Variants in FGF14 observed in about 807,000 individuals in gnomAD.
The protein encoded by FGF14 is fibroblast growth factor 14.
In FGF14, 5 loss-of-function variants were observed where a neutral mutation model predicts 25.5. That is an observed-to-expected ratio of 0.20 (90% CI 0.10 to 0.41). FGF14 has a LOEUF of 0.41. Among genes scored for constraint, FGF14 ranks in the 10% least tolerant of loss-of-function variants. The probability of loss-of-function intolerance (pLI) is 1.00; values close to 1 mark genes in which losing one functional copy is unlikely to be tolerated. For synonymous variants in FGF14, 138 were observed against 118.3 expected (o/e 1.17, Z -1.08); for missense variants, 222 against 320.1 (o/e 0.69, Z 2.34).
chr13:101,966,834 GAAATACA>G (rs2037236034), intron 1 of FGF14, among the ~76,000 whole-genome samples: 1 of 152,126 alleles, frequency 6.6e-6, no homozygotes. Flanking sequence ...GGACGACCTA[GAAATACA>G]GAAGACAGAA....
At chr13:102,109,528 T>A (rs2045109806) in intron 1 of FGF14, among the ~76,000 whole-genome samples, 1 of 152,208 alleles carries the variant, frequency 6.6e-6, no homozygotes, top group South Asian at 2.1e-4. Flanking sequence ...CATAAATATA[T>A]ACAATTATAA....
chr13:102,381,552 C>T (rs2058183588), intron 1 of FGF14, among the ~76,000 whole-genome samples: 1 of 152,108 alleles, frequency 6.6e-6, no homozygotes, highest in Non-Finnish European at 1.5e-5. Flanking sequence ...TTTCAGCCTC[C>T]AGAAACATGA....
chr13:102,173,591 C>T (rs149141437), intron 1 of FGF14, among the ~76,000 whole-genome samples: 241 of 152,086 alleles, frequency 1.6e-3, no homozygotes, highest in African/African-American at 5.4e-3. Flanking sequence ...TGTCCATCAA[C>T]GGGTGAATAA....
At chr13:102,306,449 G>A (rs2138626183) in intron 1 of FGF14, among the ~76,000 whole-genome samples, 1 of 152,134 alleles carries the variant, frequency 6.6e-6, no homozygotes, top group African/African-American at 2.4e-5. Flanking sequence ...CAGGCCTTCT[G>A]GAAAAAATAG....
At chr13:102,069,759 G>A (rs1220244156) in intron 1 of FGF14, among the ~76,000 whole-genome samples, 1 of 151,946 alleles carries the variant, frequency 6.6e-6, no homozygotes, top group Non-Finnish European at 1.5e-5. Context: ...CACCTTAAGA[G>A]CTGTAACACT....
Position 101,875,309 on chromosome 13 carries a change from C to G in FGF14, c.194-13G>C, listed in dbSNP as rs2045333195. Reference sequence around the variant, plus strand: ...TTGAGCTGGGGATCTGAAAGGCAAACATAGTTATCATAAGCCTCACAATGT... The same window carrying G: ...TTGAGCTGGGGATCTGAAAGGCAAAGATAGTTATCATAAGCCTCACAATGT... On this transcript the variant is annotated splice_polypyrimidine_tract_variant and intron_variant, in intron 1 of 4. Coordinates refer to ENST00000376143, the MANE Select transcript of FGF14 (RefSeq NM_004115.4). The G allele has an allele frequency of 1.3e-6, 2 of 1,544,906 alleles. No homozygotes were observed. The highest frequency in any genetic ancestry group is 1.8e-6 in the Non-Finnish European group (2 of 1,117,344).
chr13:102,222,679 C>A (rs531522863), intron 1 of FGF14, among the ~76,000 whole-genome samples: 1 of 152,262 alleles, frequency 6.6e-6, no homozygotes, highest in East Asian at 1.9e-4. Context: ...TTTTAAGATA[C>A]AGGTCAGCAA....
chr13:101,930,302 G>C (rs1216187814), intron 1 of FGF14, among the ~76,000 whole-genome samples: 9 of 152,170 alleles, frequency 5.9e-5, no homozygotes, highest in African/African-American at 9.6e-5. Flanking sequence ...AATATTGAGA[G>C]TATTTACAAG....
intron 1 of FGF14, among the ~76,000 whole-genome samples, chr13:102,158,983 A>G (rs1200891804): frequency 3.3e-5 from 5 of 151,984 alleles, no homozygotes; most frequent in Non-Finnish European, 5.9e-5. Flanking sequence ...TACTAAAAAT[A>G]CAAAAATTAG....
chr13:102,182,749 T>C (rs1481666944), intron 1 of FGF14, among the ~76,000 whole-genome samples: 1 of 152,172 alleles, frequency 6.6e-6, no homozygotes, highest in Non-Finnish European at 1.5e-5. Flanking sequence ...GCTCTTCCAT[T>C]TAGAAATACT....
At position 101,916,834 on chromosome 13, in the gene FGF14, C is replaced by T. The variant is rs1217533305; in HGVS notation, c.-189G>A. The stretch of plus-strand genomic sequence containing the variant: ...GACCCATCGCCCTCTCCGCGGGGCG[C>T]GGGGCCAGGCGCGCAGATGCGCCCA... On this transcript the variant is annotated 5_prime_UTR_variant, in exon 1 of 5. Transcript: ENST00000376143. 1.3e-5 allele frequency among the ~76,000 whole-genome samples: 2 copies of T among 152,138 alleles called. No homozygotes were observed. Among genetic ancestry groups the T allele is most frequent in the East Asian group, 3.9e-4 (2 of 5,152 alleles).
chr13:101,803,467 T>G (rs995504099), intron 3 of FGF14, among the ~76,000 whole-genome samples: 12 of 152,118 alleles, frequency 7.9e-5, no homozygotes, highest in Non-Finnish European at 2.9e-5. Flanking sequence ...AACTGTTCAT[T>G]GTCAGCAAAG....
intron 1 of FGF14, among the ~76,000 whole-genome samples, chr13:102,007,855 C>T (rs1018366162): frequency 6.6e-6 from 1 of 151,996 alleles, no homozygotes; most frequent in Non-Finnish European, 1.5e-5. Flanking sequence ...TCTTCAGTAC[C>T]AAGGCATTTT....
At chr13:102,012,772 G>A (rs560888122) in intron 1 of FGF14, among the ~76,000 whole-genome samples, 11 of 152,084 alleles carry the variant, frequency 7.2e-5, no homozygotes, top group African/African-American at 1.7e-4. Context: ...CAGCTCTCCC[G>A]TGGCACTGCC....
chr13:102,291,796 C>T (rs1183656880), intron 1 of FGF14, among the ~76,000 whole-genome samples: 2 of 152,108 alleles, frequency 1.3e-5, no homozygotes, highest in Admixed American at 6.5e-5. Context: ...GGTGTCTGCA[C>T]CTCTGCCCTG....
At chr13:102,008,708 T>A (rs147454305) in intron 1 of FGF14, among the ~76,000 whole-genome samples, 3 of 152,172 alleles carry the variant, frequency 2.0e-5, no homozygotes, top group Non-Finnish European at 2.9e-5. Context: ...TAAATGTTCA[T>A]GTTTTCCAGG....
rs561286199 is a variant in FGF14 at position 102,130,170 on chromosome 13, G to T, written c.209-254874C>A. 3.3e-5 allele frequency among the ~76,000 whole-genome samples: 5 copies of T among 152,240 alleles called. No homozygotes were observed. The East Asian group carries it at 9.7e-4, about 29-fold the overall frequency. ...CTCACAAAAATGGTTAGCCATTCAG[G>T]AACTCCAGCCCGGGGAAGAAGCTGA... On this transcript the variant is annotated intron_variant, in intron 1 of 4. Coordinates refer to the FGF14 transcript ENST00000376131.
intron 3 of FGF14, among the ~76,000 whole-genome samples, chr13:101,832,730 T>C (rs1368941309): frequency 6.6e-6 from 1 of 151,942 alleles, no homozygotes; most frequent in Middle Eastern, 3.2e-3. Flanking sequence ...ATAATGATAT[T>C]GAAGAGTGAA....
intron 1 of FGF14, among the ~76,000 whole-genome samples, chr13:102,142,253 A>G (rs2046673234): frequency 6.6e-6 from 1 of 152,210 alleles, no homozygotes; most frequent in African/African-American, 2.4e-5. Context: ...TCTTGCAAAT[A>G]TTAGATATAT....
Sources: allele counts gnomAD v4.1 joint callset (sites outside exome capture counted in the v4.1 genomes callset), GRCh38; gene constraint gnomAD v4.1.1; transcripts MANE v1.5; gene names NCBI Gene and HGNC (gene_info 2026-07-23, HGNC 2026-07-21).